Variants in ARNT2 observed in about 807,000 individuals in gnomAD.
ARNT2 encodes the protein ARNT protein 2.
Under a neutral mutation model 91.7 loss-of-function variants are expected in ARNT2, and 36 were observed. The ratio of observed to expected loss-of-function variants is 0.39; its 90% CI spans 0.30 to 0.52. The LOEUF (loss-of-function observed/expected upper bound fraction) is 0.52. ARNT2 is among the 20% of genes least tolerant of loss of function. ARNT2 has a pLI of 0.72. For synonymous variants in ARNT2, 365 were observed against 347.1 expected (o/e 1.05, Z -0.57); for missense variants, 775 against 939.3 (o/e 0.83, Z 2.29).
chr15:80,483,332 T>G (rs1431364036), intron 5 of ARNT2, among the ~76,000 whole-genome samples: 6 of 152,214 alleles, frequency 3.9e-5, no homozygotes, highest in Non-Finnish European at 8.8e-5. Context: ...TGCAGCAACC[T>G]GGGTCGAGGG....
At chr15:80,581,498 G>A in intron 17 of ARNT2, 94 bp downstream of exon 17, 1 of 1,523,858 alleles carries the variant, frequency 6.6e-7, no homozygotes. Context: ...CAAGCTCCCA[G>A]CTACCAAAAC....
intron 8 of ARNT2, among the ~76,000 whole-genome samples, chr15:80,536,790 C>T (rs1897832116): frequency 6.6e-6 from 1 of 152,152 alleles, no homozygotes; most frequent in South Asian, 2.1e-4. Context: ...GGTTTTAGTG[C>T]TTGGCCTTTG....
At chr15:80,481,686 C>T (rs1896892452) in intron 5 of ARNT2, among the ~76,000 whole-genome samples, 1 of 152,172 alleles carries the variant, frequency 6.6e-6, no homozygotes, top group South Asian at 2.1e-4. Context: ...ACACTCGAGC[C>T]TGGGTGACAG....
At chr15:80,540,641 T>G (rs1431613727) in intron 8 of ARNT2, among the ~76,000 whole-genome samples, 4 of 152,158 alleles carry the variant, frequency 2.6e-5, no homozygotes, top group African/African-American at 9.7e-5. Context: ...TTGAAACCTT[T>G]GCCCTCCTCC....
At chr15:80,408,325 T>A (rs945837192) in intron 1 of ARNT2, among the ~76,000 whole-genome samples, 2 of 152,150 alleles carry the variant, frequency 1.3e-5, no homozygotes, top group African/African-American at 4.8e-5. Flanking sequence ...TAGACTAACT[T>A]AATAACACCA....
intron 8 of ARNT2, among the ~76,000 whole-genome samples, chr15:80,544,141 T>C (rs752608130): frequency 6.6e-5 from 10 of 152,232 alleles, no homozygotes; most frequent in Non-Finnish European, 1.3e-4. Flanking sequence ...TAACTGTTAG[T>C]ATGCAGTTAT....
intron 1 of ARNT2, among the ~76,000 whole-genome samples, chr15:80,427,190 A>T (rs1460658304): frequency 6.6e-6 from 1 of 152,166 alleles, no homozygotes; most frequent in Non-Finnish European, 1.5e-5. Context: ...AGGGTAAGAA[A>T]AGACAGACAT....
intron 8 of ARNT2, among the ~76,000 whole-genome samples, chr15:80,549,293 A>T (rs1898042488): frequency 6.6e-6 from 1 of 152,202 alleles, no homozygotes; most frequent in African/African-American, 2.4e-5. Context: ...ACAAGAGTGA[A>T]TTTTTCCTTA....
intron 5 of ARNT2, among the ~76,000 whole-genome samples, chr15:80,475,962 A>G (rs1896797382): frequency 6.6e-6 from 1 of 152,226 alleles, no homozygotes; most frequent in South Asian, 2.1e-4. Flanking sequence ...CAATCATGCA[A>G]TTCAAAACTA....
chr15:80,571,653 C>T (rs764018936), intron 12 of ARNT2, among the ~76,000 whole-genome samples: 58 of 152,210 alleles, frequency 3.8e-4, no homozygotes, highest in Non-Finnish European at 7.6e-4. Flanking sequence ...TTGCTCACCA[C>T]GGCTCTCACA....
rs1448732671 is a variant in ARNT2 at position 80,593,909 on chromosome 15, A to C, written c.*211A>C. 1 of 573,754 alleles carries C rather than the reference A, an allele frequency of 1.7e-6. No homozygotes were observed. Among genetic ancestry groups the C allele is most frequent in the African/African-American group, 1.9e-5 (1 of 53,460 alleles). 35.5% of individuals were successfully genotyped at this position (573,754 alleles called of 1,614,324 possible). ...CCACTGACCAGGGGCCCTGGCAGAC[A>C]TTAGGGGATCAGTTGTATTTATTGT... is the stretch of plus-strand genomic sequence containing the variant. On this transcript the variant is annotated 3_prime_UTR_variant, in exon 19 of 19. Coordinates refer to ENST00000303329, the MANE Select transcript of ARNT2 (RefSeq NM_014862.4).
intron 8 of ARNT2, among the ~76,000 whole-genome samples, chr15:80,540,135 A>G (rs1296342155): frequency 1.3e-5 from 2 of 152,152 alleles, no homozygotes; most frequent in Admixed American, 6.5e-5. Context: ...TCCAGTTTTT[A>G]TGCAGACATA....
At chr15:80,425,367 A>G (rs1220234911) in intron 1 of ARNT2, among the ~76,000 whole-genome samples, 3 of 152,210 alleles carry the variant, frequency 2.0e-5, no homozygotes, top group Admixed American at 6.5e-5. Flanking sequence ...AAAAATAATA[A>G]TGAAACTAGT....
chr15:80,441,234 T>C (rs1896182573), intron 1 of ARNT2: 10 of 985,404 alleles, frequency 1.0e-5, no homozygotes, highest in Non-Finnish European at 1.2e-5. Flanking sequence ...TAAACAGATC[T>C]GTGATGACAT....
At chr15:80,517,322 C>T (rs1443111100) in intron 8 of ARNT2, among the ~76,000 whole-genome samples, 2 of 152,118 alleles carry the variant, frequency 1.3e-5, no homozygotes, top group South Asian at 4.1e-4. Flanking sequence ...TAATTCTCAT[C>T]CTTGTTCTTC....
At chr15:80,471,751 AG>A (rs1258387769) in intron 4 of ARNT2, among the ~76,000 whole-genome samples, 2 of 152,194 alleles carry the variant, frequency 1.3e-5, no homozygotes, top group African/African-American at 4.8e-5. Context: ...CAGATTGCTC[AG>A]GGTTAATCTG....
chr15:80,559,546 T>G (rs545298450), intron 11 of ARNT2, among the ~76,000 whole-genome samples: 2 of 152,310 alleles, frequency 1.3e-5, no homozygotes, highest in South Asian at 4.1e-4. Context: ...GCTCTTGAAC[T>G]CTGGATTTAA....
chr15:80,480,443 C>T (rs1896868269), intron 5 of ARNT2, among the ~76,000 whole-genome samples: 1 of 152,156 alleles, frequency 6.6e-6, no homozygotes, highest in Non-Finnish European at 1.5e-5. Flanking sequence ...GAACCTTGAT[C>T]CTGGTGAGCA....
intron 5 of ARNT2, among the ~76,000 whole-genome samples, chr15:80,486,116 G>T (rs529853580): frequency 1.3e-5 from 2 of 152,148 alleles, no homozygotes; most frequent in East Asian, 3.9e-4. Context: ...TAGACACATC[G>T]GTCCAATCTC....
Sources: allele counts gnomAD v4.1 joint callset (sites outside exome capture counted in the v4.1 genomes callset), GRCh38; gene constraint gnomAD v4.1.1; transcripts MANE v1.5; gene names NCBI Gene and HGNC (gene_info 2026-07-23, HGNC 2026-07-21).